Variants in UBR3 observed in about 807,000 individuals in gnomAD.
UBR3 encodes ubiquitin protein ligase E3 component n-recognin 3.
In UBR3, 85 loss-of-function variants were observed where a neutral mutation model predicts 243.2. That is an observed-to-expected ratio of 0.35 (90% CI 0.29 to 0.42). The LOEUF is 0.42. Ranked by LOEUF, UBR3 falls within the 10% of genes least tolerant of loss-of-function variation. The pLI is 1.00. For synonymous variants in UBR3, 748 were observed against 799.8 expected (o/e 0.94, Z 1.09); for missense variants, 1,686 against 2,300.8 (o/e 0.73, Z 5.47).
In UBR3 at chr2:169,884,122, C is replaced by T. The variant is rs148069877; in HGVS notation, c.1038+5548C>T. 1.9e-3 allele frequency among the ~76,000 whole-genome samples: 289 copies of T among 150,156 alleles called. 1 individual carries two copies. The highest frequency in any genetic ancestry group is 7.2e-3 in the Middle Eastern group (2 of 276). Reference sequence around the variant, plus strand: ...TTCTGGGATTAGAGGCGTGAGCCACCGTGCCCAGCCTGTAAGGTATTTTGG... The same window carrying T: ...TTCTGGGATTAGAGGCGTGAGCCACTGTGCCCAGCCTGTAAGGTATTTTGG... On this transcript the variant is annotated intron_variant, in intron 5 of 38. Coordinates refer to ENST00000272793, the MANE Select transcript of UBR3 (RefSeq NM_172070.4).
intron 31 of UBR3, among the ~76,000 whole-genome samples, chr2:170,036,517 A>G (rs1392831574): frequency 6.6e-6 from 1 of 152,082 alleles, no homozygotes; most frequent in Non-Finnish European, 1.5e-5. Flanking sequence ...AACTTACCAA[A>G]AAAAGTATTA....
In UBR3 at chr2:169,920,427, T is replaced by C. The variant is rs190142279; in HGVS notation, c.1867-3502T>C. 2.9e-3 allele frequency among the ~76,000 whole-genome samples: 438 copies of C among 151,800 alleles called. 1 individual carries two copies. The highest frequency in any genetic ancestry group is 0.01 in the African/African-American group (415 of 41,332). ...CACATGTATACATATGTAACAAACCTGCACATTGTGCACATGTACCCTAAA... is the reference window on the plus strand; with the variant it reads ...CACATGTATACATATGTAACAAACCCGCACATTGTGCACATGTACCCTAAA... On this transcript the variant is annotated intron_variant, in intron 11 of 38. Transcript: ENST00000272793.
intron 35 of UBR3, 50 bp from the exon 36 acceptor site, chr2:170,073,377 GA>G (rs769894132): frequency 6.2e-7 from 1 of 1,602,478 alleles, no homozygotes; most frequent in Non-Finnish European, 8.5e-7. Flanking sequence ...TATGTAATAG[GA>G]AATGTTCTTG....
chr2:169,987,115 G>A (rs2089042648), intron 25 of UBR3, among the ~76,000 whole-genome samples: 1 of 152,078 alleles, frequency 6.6e-6, no homozygotes, highest in Admixed American at 6.6e-5. Flanking sequence ...CTGGCCGGGT[G>A]TGGTGCCTTG....
At chr2:169,963,622 T>C (rs575982582) in intron 24 of UBR3, among the ~76,000 whole-genome samples, 27 of 152,234 alleles carry the variant, frequency 1.8e-4, no homozygotes, top group Non-Finnish European at 2.5e-4. Context: ...TAATTTTTTA[T>C]AACAAAAGCA....
intron 26 of UBR3, among the ~76,000 whole-genome samples, chr2:169,998,340 A>G (rs555158983): frequency 6.6e-6 from 1 of 152,332 alleles, no homozygotes; most frequent in East Asian, 1.9e-4. Flanking sequence ...TAGAAAAAAA[A>G]TCTTTTTTAT....
intron 1 of UBR3, among the ~76,000 whole-genome samples, chr2:169,870,555 AAT>A (rs1275692980): frequency 6.6e-6 from 1 of 152,186 alleles, no homozygotes; most frequent in Non-Finnish European, 1.5e-5. Flanking sequence ...ATTTTTCACA[AAT>A]ATGATCTTCC....
At chr2:169,919,523 G>A (rs1053169386) in intron 11 of UBR3, among the ~76,000 whole-genome samples, 2 of 152,128 alleles carry the variant, frequency 1.3e-5, no homozygotes, top group African/African-American at 2.4e-5. Context: ...GAGTGAACAG[G>A]CAACCTACAG....
Position 169,986,722 on chromosome 2 carries a change from A to T in UBR3, c.3712A>T (p.Ile1238Phe). Residue 1238 changes from isoleucine to phenylalanine, a missense_variant, in exon 25 of 39, where the codon ATT (isoleucine) becomes TTT (phenylalanine). Physicochemically the swap from Ile to Phe is conservative, Grantham distance 21. Coordinates refer to ENST00000272793, the MANE Select transcript of UBR3 (RefSeq NM_172070.4). Reference protein sequence around the residue: ...QVSEAVYDCVICGQSGPSSED... With the variant: ...QVSEAVYDCVFCGQSGPSSED... ...TTCCGAGGCAGTATATGACTGTGTT[A>T]TTTGTGGACAGAGTGGCCCCTCCTC... 6.2e-7 allele frequency: 1 copy of T among 1,614,054 alleles called. No individual in the cohort carries two copies. Among genetic ancestry groups the T allele is most frequent in the Non-Finnish European group, 8.5e-7 (1 of 1,179,952 alleles).
At chr2:169,990,703 TA>T (rs1008282730) in intron 25 of UBR3, among the ~76,000 whole-genome samples, 14 of 133,804 alleles carry the variant, frequency 1.0e-4, no homozygotes, top group Admixed American at 2.4e-4. Context: ...GTAAACACTA[TA>T]AAAAAAAGTT....
intron 32 of UBR3, among the ~76,000 whole-genome samples, chr2:170,052,681 G>C (rs1293377036): frequency 6.6e-6 from 1 of 152,234 alleles, no homozygotes; most frequent in Non-Finnish European, 1.5e-5. Context: ...ACATGGGACA[G>C]GGAGGTGGGG....
chr2:169,883,678 G>C (rs2083979328), intron 5 of UBR3, among the ~76,000 whole-genome samples: 1 of 152,062 alleles, frequency 6.6e-6, no homozygotes, highest in African/African-American at 2.4e-5. Flanking sequence ...ATCTATTTTA[G>C]TGGCACTATC....
chr2:170,047,925 G>T (rs2091127763), intron 32 of UBR3, among the ~76,000 whole-genome samples: 1 of 152,162 alleles, frequency 6.6e-6, no homozygotes, highest in South Asian at 2.1e-4. Flanking sequence ...GTATCACAGT[G>T]CTTGTGTTCA....
intron 4 of UBR3, 58 bp downstream of exon 4, chr2:169,877,695 AC>A (rs1339526121): frequency 2.1e-6 from 3 of 1,462,264 alleles, no homozygotes; most frequent in Admixed American, 3.1e-5. Context: ...AACCAAAAAA[AC>A]CTCTCAAACT....
At chr2:170,020,040 CA>C (rs2090348938) in intron 30 of UBR3, among the ~76,000 whole-genome samples, 1 of 152,160 alleles carries the variant, frequency 6.6e-6, no homozygotes, top group African/African-American at 2.4e-5. Context: ...CTTGGCCTCC[CA>C]AAGTGCTGGG....
intron 31 of UBR3, among the ~76,000 whole-genome samples, chr2:170,035,777 T>G (rs148535117): frequency 0.015 from 2,305 of 151,954 alleles, 28 homozygotes; most frequent in Non-Finnish European, 0.023. Context: ...CAATATTGAG[T>G]CTTCCTACTC....
At position 169,852,878 on chromosome 2, in the gene UBR3, A is replaced by C. The variant is rs66581013; in HGVS notation, c.546-19358A>C. ...AAAAAAAAAAAAAAAAAAAAAAAAAACAAAACCAAACAAATTGAGTCCTTT... is the reference window on the plus strand; with the variant it reads ...AAAAAAAAAAAAAAAAAAAAAAAAACCAAAACCAAACAAATTGAGTCCTTT... On this transcript the variant is annotated intron_variant, in intron 1 of 38. Coordinates refer to ENST00000272793, the MANE Select transcript of UBR3 (RefSeq NM_172070.4). Among the ~76,000 whole-genome samples, 66 of 70,930 alleles carry C rather than the reference A, an allele frequency of 9.3e-4. 2 individuals are homozygous for C. Among genetic ancestry groups the C allele is most frequent in the Non-Finnish European group, 1.7e-3 (41 of 24,112 alleles). The allele number at this position is 70,930 out of a possible 152,430, so 46.5% of individuals were successfully genotyped here. A position where few individuals can be genotyped will look rare whatever the true frequency, so the allele number is the denominator to read the frequency against.
intron 24 of UBR3, among the ~76,000 whole-genome samples, chr2:169,971,205 A>G (rs1271617890): frequency 2.0e-5 from 3 of 149,566 alleles, no homozygotes; most frequent in African/African-American, 2.4e-5. Flanking sequence ...GTTTGAGTTC[A>G]TGGTAGATTA....
chr2:169,959,216 G>A (rs2087451638), intron 24 of UBR3, among the ~76,000 whole-genome samples: 1 of 151,914 alleles, frequency 6.6e-6, no homozygotes, highest in South Asian at 2.1e-4. Context: ...ATGCATTTTT[G>A]TTTACCTAAA....
Sources: gnomAD v4.1 joint callset for allele counts (sites outside exome capture counted in the v4.1 genomes callset) on GRCh38, gnomAD v4.1.1 for gene constraint, MANE v1.5 for transcripts, NCBI Gene and HGNC (gene_info 2026-07-23, HGNC 2026-07-21) for gene names.